NDEL1: variants seen among roughly 807,000 people sequenced by gnomAD.
NDEL1 encodes nuclear distribution protein nudE-like 1.
NDEL1 carries 9 observed loss-of-function variants against 45.7 expected under a neutral mutation model. The observed-to-expected ratio is 0.20, with a 90% CI of 0.12 to 0.34. NDEL1 has a LOEUF of 0.34. Ranked by LOEUF, NDEL1 falls within the 10% of genes least tolerant of loss-of-function variation. The pLI is 1.00. For synonymous variants in NDEL1, 133 were observed against 158.6 expected, an observed-to-expected ratio of 0.84 and a Z score of 1.21; for missense variants, 306 against 406.2, an observed-to-expected ratio of 0.75 and a Z score of 2.12.
At chr17:8,455,813 C>A (rs1391138048) in intron 7 of NDEL1, among the ~76,000 whole-genome samples, 1 of 151,728 alleles carries the variant, frequency 6.6e-6, no homozygotes, top group Non-Finnish European at 1.5e-5. Context: ...TTGTTTTTAT[C>A]AGCCATCTCT....
chr17:8,467,782 GAGTGTTTTTGTTTTCTCTTCCA>G lies in NDEL1; in HGVS notation c.*762_*783del, dbSNP rs1911705894. 1 of 152,676 alleles carries G rather than the reference GAGTGTTTTTGTTTTCTCTTCCA, an allele frequency of 6.5e-6. No individual in the cohort carries two copies. The allele number at this position is 152,676 out of a possible 1,614,324, so 9.5% of individuals were successfully genotyped here. A position where few individuals can be genotyped will look rare whatever the true frequency, so the allele number is the denominator to read the frequency against. ...GTCCTTCAGTTCAACGACATCTTTG[GAGTGTTTTTGTTTTCTCTTCCA>G]AGGGCCGTCCCGTTGTGTTAGGAAG... is the stretch of plus-strand genomic sequence containing the variant. On this transcript the variant is annotated 3_prime_UTR_variant, in exon 9 of 9. Transcript: ENST00000334527. This position sits in a 1 kb window ranked among gnomAD's most constrained non-coding sequence, Gnocchi z 6.3.
intron 5 of NDEL1, 77 bp from the exon 6 acceptor site, chr17:8,450,703 C>T (rs1910435815): frequency 2.4e-6 from 3 of 1,273,950 alleles, no homozygotes; most frequent in Non-Finnish European, 2.2e-6. Context: ...ACCTTTATGA[C>T]ATTTTAGATG....
chr17:8,427,188 T>C (rs1229900114), intron 1 of NDEL1, among the ~76,000 whole-genome samples: 2 of 152,180 alleles, frequency 1.3e-5, no homozygotes, highest in East Asian at 3.8e-4. Context: ...ATGGGAGAGC[T>C]GAGGTTTGGG....
At chr17:8,463,214 C>CTT in intron 8 of NDEL1, 1 of 779,680 alleles carries the variant, frequency 1.3e-6, no homozygotes, top group Non-Finnish European at 2.1e-6. Context: ...GTAAGCCACT[C>CTT]TGAGTTCTTT....
At chr17:8,432,999 C>T (rs891672124), upstream of NDEL1, among the ~76,000 whole-genome samples, 2 of 152,104 alleles carry the variant, frequency 1.3e-5, no homozygotes, top group Non-Finnish European at 2.9e-5. Flanking sequence ...TTGACTGGTT[C>T]ACTTTGCTTT....
At chr17:8,435,680 C>G (rs186818712), upstream of NDEL1, among the ~76,000 whole-genome samples, 514 of 152,380 alleles carry the variant, frequency 3.4e-3, 3 homozygotes, top group South Asian at 0.012. Flanking sequence ...CAAGCCAAAA[C>G]CAGCCGGTCG....
chr17:8,459,960 G>A (rs1485773475), intron 7 of NDEL1, 49 bp from the exon 8 acceptor site: 3 of 1,557,542 alleles, frequency 1.9e-6, no homozygotes, highest in Admixed American at 1.9e-5. Context: ...AAATTTTTAT[G>A]TGCAGCTACT....
At chr17:8,452,740 C>CTTTTTTTTTTTTTTTTTTTTTTCTTT in intron 6 of NDEL1, among the ~76,000 whole-genome samples, 9 of 95,626 alleles carry the variant, frequency 9.4e-5, no homozygotes, top group East Asian at 6.0e-4. Context: ...TTTTTCTTCT[C>CTTTTTTTTTTTTTTTTTTTTTTCTTT]TTTTTTTTTT....
intron 4 of NDEL1, among the ~76,000 whole-genome samples, chr17:8,447,247 ATTC>A (rs1374613067): frequency 6.6e-6 from 1 of 152,182 alleles, no homozygotes; most frequent in African/African-American, 2.4e-5. Flanking sequence ...GATTCAAGCG[ATTC>A]TTGTGCCTCA....
At chr17:8,455,761 T>A (rs1342712639) in intron 7 of NDEL1, among the ~76,000 whole-genome samples, 3 of 152,078 alleles carry the variant, frequency 2.0e-5, no homozygotes, top group Non-Finnish European at 4.4e-5. Context: ...CCATACCTAC[T>A]CTTTAACCTC....
downstream of NDEL1, among the ~76,000 whole-genome samples, chr17:8,471,232 GCT>G (rs1911827292): frequency 6.6e-6 from 1 of 152,194 alleles, no homozygotes; most frequent in African/African-American, 2.4e-5. Flanking sequence ...CTCACTGCAA[GCT>G]CTGCCTCCGA....
chr17:8,429,629 G>A (rs775469799), intron 1 of NDEL1, among the ~76,000 whole-genome samples: 7 of 152,142 alleles, frequency 4.6e-5, no homozygotes, highest in Non-Finnish European at 8.8e-5. Context: ...CATAGAGGAA[G>A]GGAATCATCT....
chr17:8,434,217 T>C (rs1325923911), upstream of NDEL1, among the ~76,000 whole-genome samples: 1 of 152,162 alleles, frequency 6.6e-6, no homozygotes, highest in Non-Finnish European at 1.5e-5. Context: ...AGTCAGGAGT[T>C]CTTTTTTGTT....
chr17:8,442,820 C>T (rs1484123120), intron 1 of NDEL1, among the ~76,000 whole-genome samples: 11 of 125,578 alleles, frequency 8.8e-5, no homozygotes, highest in East Asian at 2.4e-4. Flanking sequence ...GACGGAGTCT[C>T]GCTCTGTCCC....
chr17:8,452,659 ATGTT>A (rs1345716076), intron 6 of NDEL1, among the ~76,000 whole-genome samples: 2 of 146,926 alleles, frequency 1.4e-5, no homozygotes, highest in South Asian at 2.2e-4. Flanking sequence ...ACCTTTTACA[ATGTT>A]TGTTTCTCTT....
intron 1 of NDEL1, among the ~76,000 whole-genome samples, chr17:8,418,682 A>ATC (rs1274567225): frequency 1.0e-4 from 10 of 97,978 alleles, no homozygotes; most frequent in South Asian, 3.1e-4. Context: ...TCCCTCCTTC[A>ATC]TCTCTCTCTC....
intron 1 of NDEL1, among the ~76,000 whole-genome samples, chr17:8,418,821 C>A (rs1908634975): frequency 8.1e-6 from 1 of 122,984 alleles, no homozygotes; most frequent in East Asian, 2.5e-4. Context: ...TTCTTTCTTC[C>A]TCTCTCTCTC....
upstream of NDEL1, among the ~76,000 whole-genome samples, chr17:8,434,704 C>T (rs1346329609): frequency 2.0e-5 from 3 of 152,086 alleles, no homozygotes; most frequent in South Asian, 2.1e-4. Flanking sequence ...CTTCCAAGTC[C>T]GCTAGGGAAT....
intron 5 of NDEL1, among the ~76,000 whole-genome samples, chr17:8,450,245 C>T (rs1398708690): frequency 1.3e-5 from 2 of 149,790 alleles, no homozygotes; most frequent in Admixed American, 6.6e-5. Context: ...GCCGAGATTG[C>T]GTCACTGCAC....
Sources: allele counts gnomAD v4.1 joint callset (sites outside exome capture counted in the v4.1 genomes callset), GRCh38; gene constraint gnomAD v4.1.1; non-coding constraint Gnocchi (gnomAD v3.1); transcripts MANE v1.5; gene names NCBI Gene and HGNC (gene_info 2026-07-23, HGNC 2026-07-21).